HFM1: variants seen among roughly 807,000 people sequenced by gnomAD.
HFM1 encodes helicase for meiosis 1.
Under a neutral mutation model 192.1 loss-of-function variants are expected in HFM1, and 169 were observed. That is an observed-to-expected ratio of 0.88 (90% CI 0.78 to 1.00). The LOEUF is 1.00. Among genes scored for constraint, HFM1 ranks in the 50% least tolerant of loss-of-function variants. The probability of loss-of-function intolerance (pLI) is 0.00; values close to 1 mark genes in which losing one functional copy is unlikely to be tolerated. For missense variants in HFM1, 1,661 were observed against 1,668.0 expected (o/e 1.00, Z 0.07); for synonymous variants, 525 against 537.8 (o/e 0.98, Z 0.33).
intron 30 of HFM1, among the ~76,000 whole-genome samples, chr1:91,294,343 T>G (rs753209875): frequency 6.6e-6 from 1 of 152,230 alleles, no homozygotes; most frequent in Non-Finnish European, 1.5e-5. Context: ...TTAGTAGTGC[T>G]TATTTTTGCA....
At chr1:91,349,485 T>A (rs1235601310) in intron 18 of HFM1, among the ~76,000 whole-genome samples, 1 of 151,114 alleles carries the variant, frequency 6.6e-6, no homozygotes, top group Non-Finnish European at 1.5e-5. Flanking sequence ...TCTGTCTCTG[T>A]CTCTCTCTCT....
At chr1:91,375,861 T>A in intron 11 of HFM1, 134 bp from the exon 12 acceptor site, 2 of 653,654 alleles carry the variant, frequency 3.1e-6, no homozygotes, top group Non-Finnish European at 5.3e-6. Context: ...TTTTCAATAT[T>A]ACATATTCCA....
At chr1:91,271,161 C>T (rs1411643318) in intron 34 of HFM1, among the ~76,000 whole-genome samples, 1 of 152,092 alleles carries the variant, frequency 6.6e-6, no homozygotes, top group Non-Finnish European at 1.5e-5. Context: ...GGGATAAACA[C>T]ATGACTCAAA....
chr1:91,266,182 G>T lies in HFM1; in HGVS notation c.3884-75C>A, dbSNP rs1283167751. ...TGAAGCTTTTCACAAGTTCTACAACGTTCTCTCCAACAGATATGATCTGAT... is the reference window on the plus strand; with the variant it reads ...TGAAGCTTTTCACAAGTTCTACAACTTTCTCTCCAACAGATATGATCTGAT... On this transcript the variant is annotated intron_variant, in intron 35 of 38. Coordinates refer to ENST00000370425, the MANE Select transcript of HFM1 (RefSeq NM_001017975.6). 2.2e-5 allele frequency: 25 copies of T among 1,112,080 alleles called. No homozygotes were observed. In the South Asian group the frequency reaches 3.2e-4, roughly 14 times the overall value. 68.9% of individuals were successfully genotyped at this position (1,112,080 alleles called of 1,614,324 possible). A position where few individuals can be genotyped will look rare whatever the true frequency, so the allele number is the denominator to read the frequency against.
chr1:91,407,781 G>A (rs1339353314), upstream of HFM1, among the ~76,000 whole-genome samples: 1 of 152,188 alleles, frequency 6.6e-6, no homozygotes, highest in Non-Finnish European at 1.5e-5. Context: ...GTACCTAGGA[G>A]TGGAATTGCT....
chr1:91,264,359 GTATT>G (rs1281516324), intron 36 of HFM1, among the ~76,000 whole-genome samples: 7 of 54,042 alleles, frequency 1.3e-4, no homozygotes, highest in African/African-American at 3.1e-4. Flanking sequence ...CACAAATTTA[GTATT>G]TTTTTTTTTT....
At chr1:91,387,434 C>T (rs146397234) in intron 4 of HFM1, among the ~76,000 whole-genome samples, 37 of 151,326 alleles carry the variant, frequency 2.4e-4, no homozygotes, top group Non-Finnish European at 4.1e-4. Flanking sequence ...CCCGCTTTCA[C>T]GGTCTGTATT....
At chr1:91,264,206 G>A (rs916978513) in intron 36 of HFM1, among the ~76,000 whole-genome samples, 29 of 152,006 alleles carry the variant, frequency 1.9e-4, no homozygotes, top group African/African-American at 7.0e-4. Context: ...GATGTTGAAT[G>A]ATGATTCAAA....
rs1651103719 is a variant in HFM1, at chr1:91,315,805, T to C, written c.3140+10A>G. 6.3e-7 allele frequency: 1 copy of C among 1,579,006 alleles called. No individual in the cohort carries two copies. Among genetic ancestry groups the C allele is most frequent in the Non-Finnish European group, 8.6e-7 (1 of 1,161,328 alleles). ...GAAATAAGATCAAACATCAGAAATT[T>C]CACACTTACGTAATCTTGTGCAGAT... On this transcript the variant is annotated intron_variant, in intron 28 of 38. Transcript: ENST00000370425.
intron 8 of HFM1, among the ~76,000 whole-genome samples, 163 bp downstream of exon 8, chr1:91,379,941 G>A (rs1018325027): frequency 1.3e-5 from 2 of 151,838 alleles, no homozygotes; most frequent in African/African-American, 4.8e-5. Flanking sequence ...TTATAATTTT[G>A]GAAAATGTGT....
intron 4 of HFM1, among the ~76,000 whole-genome samples, chr1:91,386,124 A>C (rs1042612658): frequency 5.9e-5 from 9 of 152,200 alleles, no homozygotes; most frequent in African/African-American, 1.7e-4. Flanking sequence ...TGAATCGCTG[A>C]ATCAGGACTG....
intron 13 of HFM1, among the ~76,000 whole-genome samples, chr1:91,362,097 G>T (rs543455640): frequency 6.6e-6 from 1 of 152,054 alleles, no homozygotes. Flanking sequence ...ATATTGAATG[G>T]GCAAAAACTG....
In HFM1 at chr1:91,353,092, A is replaced by G. The variant is rs1657175400; in HGVS notation, c.1790T>C (p.Val597Ala). The G allele has an allele frequency of 6.2e-7, 1 of 1,610,834 alleles. No homozygotes were observed. The change falls in exon 15 of 39, where the codon GTA (valine) becomes GCA (alanine). Residue 597 changes from valine to alanine, a missense_variant. Physicochemically the swap from Val to Ala is moderately conservative, Grantham distance 64. Coordinates refer to ENST00000370425, the MANE Select transcript of HFM1 (RefSeq NM_001017975.6). ...TCCAACAGTAAAAGCTCCCTCAACT[A>G]CTTTTCTATCTGACAGCTCCATACC... ...HAGMELSDRK[V>A]VEGAFTVGDL...
intron 34 of HFM1, among the ~76,000 whole-genome samples, chr1:91,270,447 G>T (rs1666174550): frequency 6.6e-6 from 1 of 151,902 alleles, no homozygotes; most frequent in African/African-American, 2.4e-5. Context: ...TTATACAGAT[G>T]GATTTGGAGT....
intron 30 of HFM1, among the ~76,000 whole-genome samples, chr1:91,284,939 C>T (rs1043595786): frequency 1.3e-5 from 2 of 152,148 alleles, no homozygotes; most frequent in Non-Finnish European, 2.9e-5. Context: ...ATAATTTCCA[C>T]ATGTTGTGGG....
intron 4 of HFM1, among the ~76,000 whole-genome samples, chr1:91,391,702 ATG>A (rs1367186220): frequency 2.6e-5 from 4 of 152,356 alleles, no homozygotes; most frequent in African/African-American, 9.6e-5. Context: ...CAAGGACTTC[ATG>A]ACTAAAACAC....
At position 91,305,940 on chromosome 1, in the gene HFM1, CAG is replaced by C. The variant is rs536110062; in HGVS notation, c.3391+7407_3391+7408del. ...ACAATGTCGAATAGAAATAATAACA[CAG>C]AGCATTCTTGTAACATTCTCCAACT... On this transcript the variant is annotated intron_variant, in intron 30 of 38. Coordinates refer to ENST00000370425, the MANE Select transcript of HFM1 (RefSeq NM_001017975.6). Among the ~76,000 whole-genome samples the C allele has an allele frequency of 7.2e-4, 109 of 152,244 alleles. 1 individual carries two copies. The highest frequency in any genetic ancestry group is 2.5e-3 in the African/African-American group (104 of 41,538).
At chr1:91,380,338 G>A in intron 7 of HFM1, 102 bp from the exon 8 acceptor site, 1 of 688,872 alleles carries the variant, frequency 1.5e-6, no homozygotes, top group South Asian at 3.9e-5. Flanking sequence ...AGGAATAATA[G>A]TTCAAACATT....
intron 30 of HFM1, among the ~76,000 whole-genome samples, chr1:91,278,499 A>G (rs1667163583): frequency 6.6e-6 from 1 of 152,204 alleles, no homozygotes; most frequent in Admixed American, 6.5e-5. Flanking sequence ...AGCTGAAATC[A>G]GCTTATTTTT....
Sources: allele counts gnomAD v4.1 joint callset (sites outside exome capture counted in the v4.1 genomes callset), GRCh38; gene constraint gnomAD v4.1.1; transcripts MANE v1.5; gene names NCBI Gene and HGNC (gene_info 2026-07-23, HGNC 2026-07-21).